The following SNX13 variants were observed in gnomAD, a reference collection of about 807,000 sequenced individuals.
SNX13 encodes the protein sorting nexin-13.
In SNX13, 45 loss-of-function variants were observed where a neutral mutation model predicts 133.6. The ratio of observed to expected loss-of-function variants is 0.34; its 90% CI spans 0.27 to 0.43. SNX13 has a LOEUF of 0.43. Ranked by LOEUF, SNX13 falls within the 20% of genes least tolerant of loss-of-function variation. The probability of loss-of-function intolerance (pLI) is 1.00; values close to 1 mark genes in which losing one functional copy is unlikely to be tolerated. For missense variants in SNX13, 1,032 were observed against 1,145.1 expected (o/e 0.90, Z 1.43); for synonymous variants, 414 against 373.9 (o/e 1.11, Z -1.24).
intron 18 of SNX13, 68 bp from the exon 19 acceptor site, chr7:17,816,357 T>C (rs546932828): frequency 2.0e-6 from 3 of 1,478,376 alleles, no homozygotes; most frequent in Non-Finnish European, 2.7e-6. Flanking sequence ...TGATTATTTC[T>C]CTACATATTA....
At chr7:17,940,164 G>C (rs1802661183) in intron 1 of SNX13, 120 bp downstream of exon 1, 1 of 1,340,742 alleles carries the variant, frequency 7.5e-7, no homozygotes, top group Admixed American at 2.0e-5. Context: ...CTGCTCCTCG[G>C]GCCCTGGAGC....
intron 1 of SNX13, among the ~76,000 whole-genome samples, chr7:17,938,024 C>T (rs1434195131): frequency 6.6e-6 from 1 of 152,114 alleles, no homozygotes; most frequent in Non-Finnish European, 1.5e-5. Flanking sequence ...TGATCTAAGT[C>T]AGCAATGTCT....
intron 7 of SNX13, among the ~76,000 whole-genome samples, chr7:17,874,116 T>C (rs1021332725): frequency 1.3e-5 from 2 of 152,240 alleles, no homozygotes; most frequent in African/African-American, 4.8e-5. Flanking sequence ...TCAGTATATC[T>C]ATGTGTTACA....
chr7:17,818,911 T>C (rs1262278225), intron 18 of SNX13, among the ~76,000 whole-genome samples: 3 of 152,206 alleles, frequency 2.0e-5, no homozygotes, highest in African/African-American at 4.8e-5. Flanking sequence ...AATATGATCA[T>C]TTAAATCATG....
At position 17,793,230 on chromosome 7, in the gene SNX13, T is replaced by C. The variant is rs1044823339; in HGVS notation, c.*815A>G. On this transcript the variant is annotated 3_prime_UTR_variant, in exon 26 of 26. Transcript: ENST00000428135. ...CTTCCAATAAATTATATCTTCTGTA[T>C]AATCAGTAATCTGTTAAAGATAAAA... The C allele has an allele frequency of 2.0e-5, 3 of 152,388 alleles. No homozygotes were observed. The highest frequency in any genetic ancestry group is 1.5e-5 in the Non-Finnish European group (1 of 67,872). The allele number at this position is 152,388 out of a possible 1,614,324, so 9.4% of individuals were successfully genotyped here. A position where few individuals can be genotyped will look rare whatever the true frequency, so the allele number is the denominator to read the frequency against.
intron 1 of SNX13, among the ~76,000 whole-genome samples, chr7:17,925,537 G>A (rs1452374397): frequency 6.6e-6 from 1 of 152,106 alleles, no homozygotes. Flanking sequence ...ACAGATTCAA[G>A]ATAAAACAAA....
intron 15 of SNX13, chr7:17,831,357 T>C (rs1392071565): frequency 2.4e-6 from 2 of 846,766 alleles, no homozygotes; most frequent in Non-Finnish European, 2.8e-6. Flanking sequence ...TAAAAGCCTA[T>C]GAGACTGTTT....
intron 20 of SNX13, among the ~76,000 whole-genome samples, chr7:17,805,211 T>TTGTGTGTGTGTGTGTGTGTGTGTGTGTG (rs55946438): frequency 6.8e-5 from 8 of 118,516 alleles, no homozygotes; most frequent in African/African-American, 2.0e-4. Context: ...TAATGATTCT[T>TTGTGTGTGTGTGTGTGTGTGTGTGTGTG]TGTGTGTGTG....
intron 8 of SNX13, among the ~76,000 whole-genome samples, chr7:17,872,826 G>T (rs1177786947): frequency 6.6e-6 from 1 of 152,172 alleles, no homozygotes; most frequent in African/African-American, 2.4e-5. Flanking sequence ...ACATGTTCTT[G>T]TGTAGCTAGC....
intron 15 of SNX13, 31 bp from the exon 16 acceptor site, chr7:17,830,078 G>A (rs1788306520): frequency 1.4e-6 from 2 of 1,451,520 alleles, no homozygotes; most frequent in Non-Finnish European, 9.2e-7. Flanking sequence ...TTAGTATACA[G>A]CAAAAAACTT....
chr7:17,808,674 T>A (rs1785612951), intron 20 of SNX13, among the ~76,000 whole-genome samples: 2 of 151,858 alleles, frequency 1.3e-5, no homozygotes, highest in Non-Finnish European at 2.9e-5. Flanking sequence ...AAGGTTGAAA[T>A]GAAGGAAAAA....
intron 9 of SNX13, among the ~76,000 whole-genome samples, chr7:17,866,342 A>G (rs1166240535): frequency 6.6e-6 from 1 of 152,160 alleles, no homozygotes; most frequent in Non-Finnish European, 1.5e-5. Context: ...AGATCTGAAT[A>G]GACATTTCTC....
intron 9 of SNX13, 67 bp downstream of exon 9, chr7:17,868,340 C>T (rs1008641786): frequency 1.7e-6 from 2 of 1,163,538 alleles, no homozygotes; most frequent in Non-Finnish European, 2.5e-6. Context: ...CACCCTATCT[C>T]CCAACTATAT....
intron 1 of SNX13, among the ~76,000 whole-genome samples, chr7:17,911,778 G>C (rs566704298): frequency 6.6e-6 from 1 of 151,932 alleles, no homozygotes; most frequent in African/African-American, 2.4e-5. Flanking sequence ...ATCTTTTAGC[G>C]GTCAAACTAT....
At chr7:17,830,839 G>T (rs1036648551) in intron 15 of SNX13, 1 of 984,064 alleles carries the variant, frequency 1.0e-6, no homozygotes, top group African/African-American at 1.8e-5. Flanking sequence ...CACTTAAGAG[G>T]TTATATATGA....
intron 9 of SNX13, among the ~76,000 whole-genome samples, chr7:17,853,167 CT>C (rs1181144383): frequency 6.6e-6 from 1 of 151,956 alleles, no homozygotes; most frequent in African/African-American, 2.4e-5. Context: ...GTGTAGGTTT[CT>C]TTTTTTTCAT....
At chr7:17,923,762 C>A (rs1257231709) in intron 1 of SNX13, among the ~76,000 whole-genome samples, 1 of 152,096 alleles carries the variant, frequency 6.6e-6, no homozygotes, top group Non-Finnish European at 1.5e-5. Context: ...AGAATACTCA[C>A]AATAGGGCAG....
intron 9 of SNX13, among the ~76,000 whole-genome samples, chr7:17,856,510 T>C (rs896670719): frequency 4.6e-5 from 7 of 152,092 alleles, no homozygotes; most frequent in African/African-American, 1.2e-4. Flanking sequence ...CAGCTGAATG[T>C]AGGCCAGGTA....
At chr7:17,856,491 G>T (rs1219135520) in intron 9 of SNX13, among the ~76,000 whole-genome samples, 1 of 152,016 alleles carries the variant, frequency 6.6e-6, no homozygotes, top group African/African-American at 2.4e-5. Context: ...CCAATTAAAA[G>T]ACATAGAGCA....
Sources: gnomAD v4.1 joint callset for allele counts (sites outside exome capture counted in the v4.1 genomes callset) on GRCh38, gnomAD v4.1.1 for gene constraint, MANE v1.5 for transcripts, NCBI Gene and HGNC (gene_info 2026-07-23, HGNC 2026-07-21) for gene names.